Variants in SPO11 observed in about 807,000 individuals in gnomAD.
The protein encoded by SPO11 is meiotic recombination protein SPO11.
SPO11 carries 49 observed loss-of-function variants against 51.6 expected under a neutral mutation model. That is an observed-to-expected ratio of 0.95 (90% CI 0.75 to 1.20). The LOEUF is 1.20. Among genes scored for constraint, SPO11 ranks in the 50% most tolerant of loss-of-function variants. The pLI is 0.00. For synonymous variants in SPO11, 176 were observed against 158.2 expected (o/e 1.11, Z -0.84); for missense variants, 431 against 473.4 (o/e 0.91, Z 0.83).
chr20:57,337,694 A>G, intron 8 of SPO11: 2 of 1,229,212 alleles, frequency 1.6e-6, no homozygotes, highest in Non-Finnish European at 2.1e-6. Flanking sequence ...CATAATTCCC[A>G]GTCCTTCAGT....
Position 57,335,921 on chromosome 20 carries a change from C to G in SPO11, c.744+14C>G. On this transcript the variant is annotated intron_variant, in intron 8 of 12. Coordinates refer to ENST00000371263, the MANE Select transcript of SPO11 (RefSeq NM_012444.3). Reference sequence around the variant, plus strand: ...ATCATGATTACGGTATATTATCTAACTTTACTACAATTCCAAGACTAATGT... The same window carrying G: ...ATCATGATTACGGTATATTATCTAAGTTTACTACAATTCCAAGACTAATGT... 2.1e-6 allele frequency: 3 copies of G among 1,454,592 alleles called. No homozygotes were observed. The highest frequency in any genetic ancestry group is 2.9e-6 in the Non-Finnish European group (3 of 1,037,014). 90.1% of individuals were successfully genotyped at this position (1,454,592 alleles called of 1,614,324 possible).
At chr20:57,342,170 T>C (rs1012541045) in intron 11 of SPO11, among the ~76,000 whole-genome samples, 1 of 151,178 alleles carries the variant, frequency 6.6e-6, no homozygotes, top group Admixed American at 6.6e-5. Flanking sequence ...AGAATGTGTT[T>C]GTGTGTGTGT....
At chr20:57,333,844 AAGACT>A in intron 4 of SPO11, 91 bp downstream of exon 4, 6 of 971,204 alleles carry the variant, frequency 6.2e-6, no homozygotes, top group Non-Finnish European at 9.4e-6. Flanking sequence ...AAAGTTACAT[AAGACT>A]AAACTATAGC....
At chr20:57,330,071 T>A in intron 1 of SPO11, 73 bp downstream of exon 1, 1 of 1,482,822 alleles carries the variant, frequency 6.7e-7, no homozygotes. Flanking sequence ...GGCCCCGGGC[T>A]GCCTCCTAGT....
Position 57,329,827 on chromosome 20 carries a change from A to T in SPO11, c.-41A>T. ...CAGCCACGCCCCAAGGGCGCAGCCT[A>T]GGACAGGGGCTTCTGGAGCTTCTGG... is the stretch of plus-strand genomic sequence containing the variant. On this transcript the variant is annotated 5_prime_UTR_variant, in exon 1 of 13. Transcript: ENST00000371263. 6.3e-7 allele frequency: 1 copy of T among 1,592,416 alleles called. No homozygotes were observed. The highest frequency in any genetic ancestry group is 8.6e-7 in the Non-Finnish European group (1 of 1,167,876).
intron 5 of SPO11, 60 bp downstream of exon 5, chr20:57,334,155 AT>A (rs72486602): frequency 0.12 from 67,397 of 545,760 alleles, 296 homozygotes; most frequent in East Asian, 0.14. Context: ...ATAAAACATA[AT>A]TTTTTTTTTT....
rs28368063 is a variant in SPO11 at position 57,330,001 on chromosome 20, A to G, written c.131+3A>G. 2.1e-4 allele frequency: 340 copies of G among 1,591,082 alleles called. 2 individuals carry two copies. In the African/African-American group the frequency reaches 4.3e-3, roughly 20 times the overall value. On this transcript the variant is annotated splice_donor_region_variant and intron_variant, in intron 1 of 12. Coordinates refer to ENST00000371263, the MANE Select transcript of SPO11 (RefSeq NM_012444.3). ...GGGGGAAGCCGCCTGGCCTCCAGGT[A>G]CAGGAGCTGGTGCCGAGGCGCGACG...
At chr20:57,342,147 A>G (rs1462759247) in intron 11 of SPO11, among the ~76,000 whole-genome samples, 1 of 152,150 alleles carries the variant, frequency 6.6e-6, no homozygotes, top group Non-Finnish European at 1.5e-5. Flanking sequence ...TCAAATTTAA[A>G]ACTAGATAGG....
chr20:57,335,823 A>G lies in SPO11; in HGVS notation c.660A>G (p.Val220=), dbSNP rs1600681787. The G allele has an allele frequency of 1.9e-6, 3 of 1,612,042 alleles. No homozygotes were observed. Among genetic ancestry groups the G allele is most frequent in the Non-Finnish European group, 2.5e-6 (3 of 1,178,594 alleles). ...IRNLVTDAKF[V]LIVEKDATFQ... is the part of the protein sequence containing the mutation. ...ATTTAGTTACAGATGCAAAGTTTGT[A>G]TTAATTGTAGAAAAAGATGCAACAT... The change falls in exon 8 of 13, where the codon GTA becomes GTG. Residue 220 remains valine, a synonymous_variant. Transcript: ENST00000371263.
At chr20:57,330,036 T>A in intron 1 of SPO11, 38 bp downstream of exon 1, 1 of 1,532,326 alleles carries the variant, frequency 6.5e-7, no homozygotes, top group African/African-American at 1.4e-5. Context: ...GCAGCCACTC[T>A]GTAGAAAAGT....
intron 1 of SPO11, among the ~76,000 whole-genome samples, chr20:57,331,016 A>G (rs182088597): frequency 6.6e-6 from 1 of 152,348 alleles, no homozygotes; most frequent in Non-Finnish European, 1.5e-5. Flanking sequence ...TTCAGTAAAA[A>G]TTCTGAAGTT....
At position 57,330,015 on chromosome 20, in the gene SPO11, C is replaced by A. The variant is rs1356024061; in HGVS notation, c.131+17C>A. 1.3e-6 allele frequency: 2 copies of A among 1,565,652 alleles called. No individual in the cohort carries two copies. Among genetic ancestry groups the A allele is most frequent in the Non-Finnish European group, 1.7e-6 (2 of 1,158,728 alleles). Reference sequence around the variant, plus strand: ...GGCCTCCAGGTACAGGAGCTGGTGCCGAGGCGCGACGCAGCCACTCTGTAG... The same window carrying A: ...GGCCTCCAGGTACAGGAGCTGGTGCAGAGGCGCGACGCAGCCACTCTGTAG... On this transcript the variant is annotated intron_variant, in intron 1 of 12. Transcript: ENST00000371263.
chr20:57,342,192 A>AGT (rs57588313), intron 11 of SPO11, among the ~76,000 whole-genome samples: 6,966 of 151,572 alleles, frequency 0.046, 495 homozygotes, highest in African/African-American at 0.15. Flanking sequence ...AAGTGATAAA[A>AGT]GTGTGTGTGT....
At chr20:57,331,700 C>T (rs879241014) in intron 1 of SPO11, 133 bp from the exon 2 acceptor site, 1 of 440,296 alleles carries the variant, frequency 2.3e-6, no homozygotes. Flanking sequence ...TTTTTTAAAA[C>T]CCCACCCCAA....
intron 12 of SPO11, 83 bp from the exon 13 acceptor site, chr20:57,343,258 G>A: frequency 6.6e-7 from 1 of 1,510,578 alleles, no homozygotes; most frequent in Non-Finnish European, 9.0e-7. Flanking sequence ...GGAGAATAAA[G>A]CAATTCTAGA....
At chr20:57,342,501 A>G (rs1327468175) in intron 11 of SPO11, among the ~76,000 whole-genome samples, 2 of 152,238 alleles carry the variant, frequency 1.3e-5, no homozygotes, top group African/African-American at 2.4e-5. Context: ...GAAGGAAAAC[A>G]AAAACTTTAG....
intron 11 of SPO11, 28 bp from the exon 12 acceptor site, chr20:57,342,701 C>T: frequency 6.9e-7 from 1 of 1,441,230 alleles, no homozygotes; most frequent in African/African-American, 1.4e-5. Flanking sequence ...CACTTTTTTA[C>T]TGATTTTTTT....
At chr20:57,337,413 A>T (rs1430270439) in intron 8 of SPO11, among the ~76,000 whole-genome samples, 1 of 152,186 alleles carries the variant, frequency 6.6e-6, no homozygotes, top group Admixed American at 6.5e-5. Context: ...CAGAGCATCA[A>T]ACCACAGAGT....
intron 8 of SPO11, among the ~76,000 whole-genome samples, chr20:57,336,560 G>C (rs1187121230): frequency 6.6e-6 from 1 of 152,106 alleles, no homozygotes; most frequent in African/African-American, 2.4e-5. Context: ...CTGTGGAACT[G>C]GTCAGCCCTT....
Sources: gnomAD v4.1 joint callset for allele counts (sites outside exome capture counted in the v4.1 genomes callset) on GRCh38, gnomAD v4.1.1 for gene constraint, MANE v1.5 for transcripts, NCBI Gene and HGNC (gene_info 2026-07-23, HGNC 2026-07-21) for gene names.